The following NCK1 variants were observed in gnomAD, a reference collection of about 807,000 sequenced individuals.
The protein encoded by NCK1 is NCK adaptor protein 1.
A neutral mutation model predicts 36.6 loss-of-function variants in NCK1; 19 were observed. The ratio of observed to expected loss-of-function variants is 0.52; its 90% CI spans 0.36 to 0.76. The LOEUF is 0.76. Among genes scored for constraint, NCK1 ranks in the 30% least tolerant of loss-of-function variants. NCK1 has a pLI of 0.00. For missense variants in NCK1, 358 were observed against 445.6 expected (o/e 0.80, Z 1.77); for synonymous variants, 165 against 156.0 (o/e 1.06, Z -0.43).
intron 1 of NCK1, among the ~76,000 whole-genome samples, chr3:136,909,189 A>G (rs879520297): frequency 6.6e-5 from 10 of 152,226 alleles, no homozygotes; most frequent in Non-Finnish European, 1.0e-4. Context: ...CACAAAATGG[A>G]CTAAGACAGT....
chr3:136,876,259 C>T (rs1207022043), intron 1 of NCK1, among the ~76,000 whole-genome samples: 1 of 151,980 alleles, frequency 6.6e-6, no homozygotes, highest in East Asian at 1.9e-4. Context: ...AAAGCAAGAG[C>T]AAACACATTC....
chr3:136,872,565 G>C (rs761368381), intron 1 of NCK1, among the ~76,000 whole-genome samples: 1 of 152,206 alleles, frequency 6.6e-6, no homozygotes, highest in African/African-American at 2.4e-5. Flanking sequence ...ATTTGCATAG[G>C]TAATGAGGAG....
intron 1 of NCK1, among the ~76,000 whole-genome samples, chr3:136,913,443 T>C (rs1274508167): frequency 6.6e-6 from 1 of 152,060 alleles, no homozygotes; most frequent in Non-Finnish European, 1.5e-5. Context: ...TAATGTTTTA[T>C]TTTTTGTAGA....
intron 1 of NCK1, among the ~76,000 whole-genome samples, chr3:136,879,092 TAAAAG>T (rs1464199195): frequency 6.8e-6 from 1 of 147,470 alleles, no homozygotes; most frequent in African/African-American, 2.5e-5. Flanking sequence ...AGAAACCTCT[TAAAAG>T]AAATAGAAAA....
chr3:136,882,090 G>T (rs1938956777), intron 1 of NCK1, among the ~76,000 whole-genome samples: 1 of 152,104 alleles, frequency 6.6e-6, no homozygotes, highest in Non-Finnish European at 1.5e-5. Context: ...ATCTTTTGAG[G>T]AACCACCATA....
At chr3:136,925,339 C>G (rs796840698) in intron 1 of NCK1, among the ~76,000 whole-genome samples, 9 of 152,034 alleles carry the variant, frequency 5.9e-5, no homozygotes, top group African/African-American at 2.2e-4. Context: ...TTTAATTAAA[C>G]TTTTTATTTT....
At chr3:136,907,944 A>G (rs1353768170) in intron 1 of NCK1, among the ~76,000 whole-genome samples, 1 of 152,168 alleles carries the variant, frequency 6.6e-6, no homozygotes, top group African/African-American at 2.4e-5. Flanking sequence ...CGGTAATATC[A>G]TGGTCAGCAA....
chr3:136,940,492 A>G (rs940354363), intron 2 of NCK1, among the ~76,000 whole-genome samples: 2 of 151,856 alleles, frequency 1.3e-5, no homozygotes, highest in African/African-American at 4.8e-5. Flanking sequence ...TTCTTGATGG[A>G]CTGATTCTTT....
chr3:136,913,732 G>T (rs1255534015), intron 1 of NCK1, among the ~76,000 whole-genome samples: 2 of 152,156 alleles, frequency 1.3e-5, no homozygotes, highest in African/African-American at 2.4e-5. Context: ...GCAGTGGCGC[G>T]ATCTCGGCCC....
intron 1 of NCK1, among the ~76,000 whole-genome samples, chr3:136,923,084 A>G (rs920819738): frequency 4.0e-5 from 6 of 151,710 alleles, no homozygotes; most frequent in African/African-American, 1.5e-4. Context: ...GATTCAGGCA[A>G]TATAGTCTAT....
intron 1 of NCK1, among the ~76,000 whole-genome samples, chr3:136,917,013 A>G (rs1221222186): frequency 1.3e-5 from 2 of 152,190 alleles, no homozygotes; most frequent in Admixed American, 6.5e-5. Flanking sequence ...AAGATAAACA[A>G]GTTGCCTAAG....
intron 1 of NCK1, among the ~76,000 whole-genome samples, chr3:136,880,271 C>T (rs1362500558): frequency 2.0e-5 from 3 of 150,046 alleles, no homozygotes; most frequent in Non-Finnish European, 3.0e-5. Context: ...GGTGACAGAG[C>T]GAGACTCCGT....
chr3:136,919,133 A>G lies in NCK1; in HGVS notation c.-18-8851A>G, dbSNP rs559047001. ...TGCATAAAACATTCTGGAAAAGGCA[A>G]AACTACATAGGGACAGAAAATAGAT... On this transcript the variant is annotated intron_variant, in intron 1 of 3. Transcript: ENST00000481752. Among the ~76,000 whole-genome samples the G allele has an allele frequency of 6.6e-5, 10 of 152,346 alleles. No individual in the cohort carries two copies. The East Asian group carries it at 1.9e-3, about 29-fold the overall frequency.
At chr3:136,932,824 G>A (rs755023227) in intron 2 of NCK1, among the ~76,000 whole-genome samples, 1 of 152,170 alleles carries the variant, frequency 6.6e-6, no homozygotes, top group Non-Finnish European at 1.5e-5. Context: ...GTAGAAACAT[G>A]GGAACAGAAT....
chr3:136,918,659 A>T (rs1221938948), intron 1 of NCK1, among the ~76,000 whole-genome samples: 1 of 152,204 alleles, frequency 6.6e-6, no homozygotes, highest in Non-Finnish European at 1.5e-5. Context: ...AACGTTCTTA[A>T]AACATGATGA....
At chr3:136,871,291 T>A (rs1938610014) in intron 1 of NCK1, among the ~76,000 whole-genome samples, 1 of 151,974 alleles carries the variant, frequency 6.6e-6, no homozygotes, top group Admixed American at 6.6e-5. Context: ...TCCTAGCTAC[T>A]TGCAAGGCTG....
chr3:136,908,313 A>G (rs1453587996), intron 1 of NCK1, among the ~76,000 whole-genome samples: 1 of 152,244 alleles, frequency 6.6e-6, no homozygotes, highest in Non-Finnish European at 1.5e-5. Flanking sequence ...GTTTTTAAAA[A>G]TATTAGAACA....
intron 1 of NCK1, among the ~76,000 whole-genome samples, chr3:136,877,095 C>T (rs1938797190): frequency 6.6e-6 from 1 of 152,134 alleles, no homozygotes; most frequent in Non-Finnish European, 1.5e-5. Context: ...GCTTGCCTCT[C>T]TGAGTAATTA....
chr3:136,899,681 A>C, intron 1 of NCK1: 1 of 748,800 alleles, frequency 1.3e-6, no homozygotes, highest in Non-Finnish European at 2.5e-6. Flanking sequence ...CTAAATAATC[A>C]CTGGCTACAC....
Sources: gnomAD v4.1 joint callset for allele counts (sites outside exome capture counted in the v4.1 genomes callset) on GRCh38, gnomAD v4.1.1 for gene constraint, MANE v1.5 for transcripts, NCBI Gene and HGNC (gene_info 2026-07-23, HGNC 2026-07-21) for gene names.